The following ACSS3 variants were observed in gnomAD, a reference collection of about 807,000 sequenced individuals.
ACSS3 encodes acyl-CoA synthetase short chain family member 3.
A neutral mutation model predicts 84.2 loss-of-function variants in ACSS3; 64 were observed. That is an observed-to-expected ratio of 0.76 (90% confidence interval 0.62 to 0.94). ACSS3 has a LOEUF of 0.94. Ranked by LOEUF, ACSS3 falls within the 40% of genes least tolerant of loss-of-function variation. The probability of loss-of-function intolerance (pLI) is 0.00; values close to 1 mark genes in which losing one functional copy is unlikely to be tolerated. For missense variants in ACSS3, 815 were observed against 867.6 expected, an observed-to-expected ratio of 0.94 and a Z score of 0.76; for synonymous variants, 317 against 310.1, an observed-to-expected ratio of 1.02 and a Z score of -0.23.
intron 15 of ACSS3, among the ~76,000 whole-genome samples, chr12:81,254,174 A>C (rs1247959778): frequency 1.3e-5 from 2 of 151,978 alleles, no homozygotes; most frequent in Non-Finnish European, 2.9e-5. Context: ...AAGCGATTTG[A>C]TTGCCTCAAC....
At chr12:81,237,029 G>T (rs2033653015) in intron 13 of ACSS3, among the ~76,000 whole-genome samples, 2 of 151,346 alleles carry the variant, frequency 1.3e-5, no homozygotes, top group Non-Finnish European at 3.0e-5. Context: ...CCTTCCTGAA[G>T]GCTCTTCTTA....
Position 81,259,525 on chromosome 12 carries a change from CA to C in ACSS3, c.*4608del. ...ATCAAATGTAATATCTGACTCCCCC[CA>C]AAAATCACATTTTTCAGCTTTTAAT... is the stretch of plus-strand genomic sequence containing the variant. On this transcript the variant is annotated 3_prime_UTR_variant, in exon 16 of 16. Transcript: ENST00000548058. 2 of 1,097,188 alleles carry C rather than the reference CA, an allele frequency of 1.8e-6. No individual in the cohort carries two copies. The highest frequency in any genetic ancestry group is 2.6e-6 in the Non-Finnish European group (2 of 761,828). The allele number at this position is 1,097,188 out of a possible 1,614,324, so 68.0% of individuals were successfully genotyped here. A position where few individuals can be genotyped will look rare whatever the true frequency, so the allele number is the denominator to read the frequency against.
chr12:81,244,154 C>G (rs2033905917), intron 13 of ACSS3, among the ~76,000 whole-genome samples: 1 of 151,950 alleles, frequency 6.6e-6, no homozygotes. Flanking sequence ...GCTTTTTTCC[C>G]TCTTGACACT....
At chr12:81,103,795 T>C (rs1000295116) in intron 1 of ACSS3, among the ~76,000 whole-genome samples, 2 of 152,144 alleles carry the variant, frequency 1.3e-5, no homozygotes, top group African/African-American at 4.8e-5. Flanking sequence ...TGAAAAAAAA[T>C]TCCAAGTTCA....
intron 8 of ACSS3, among the ~76,000 whole-genome samples, chr12:81,176,314 C>T (rs1045754001): frequency 2.0e-5 from 3 of 152,162 alleles, no homozygotes; most frequent in Non-Finnish European, 4.4e-5. Flanking sequence ...TGCTGTGTCT[C>T]ATGCCTGTAA....
At chr12:81,146,025 A>G (rs1886323374) in intron 5 of ACSS3, among the ~76,000 whole-genome samples, 1 of 152,242 alleles carries the variant, frequency 6.6e-6, no homozygotes, top group South Asian at 2.1e-4. Flanking sequence ...ACAGACCTTC[A>G]TGGCACTTAT....
chr12:81,137,249 G>A (rs189896420), intron 3 of ACSS3, among the ~76,000 whole-genome samples: 187 of 150,872 alleles, frequency 1.2e-3, no homozygotes, highest in African/African-American at 2.6e-3. Context: ...ATAAGATATA[G>A]GGAAATTACA....
At chr12:81,151,389 T>G (rs1478036950) in intron 5 of ACSS3, among the ~76,000 whole-genome samples, 1 of 152,194 alleles carries the variant, frequency 6.6e-6, no homozygotes, top group Non-Finnish European at 1.5e-5. Flanking sequence ...AATATGACTT[T>G]GTTTCCTCCA....
intron 9 of ACSS3, among the ~76,000 whole-genome samples, chr12:81,208,675 C>G (rs1163313034): frequency 6.6e-6 from 1 of 151,952 alleles, no homozygotes; most frequent in Non-Finnish European, 1.5e-5. Flanking sequence ...TTTACAAAAC[C>G]CCCCATGTCT....
intron 9 of ACSS3, among the ~76,000 whole-genome samples, chr12:81,200,110 G>A (rs1017342546): frequency 1.3e-5 from 2 of 152,052 alleles, no homozygotes; most frequent in Non-Finnish European, 2.9e-5. Context: ...ATATTAAATG[G>A]ATCAACTATA....
At chr12:81,115,972 A>C (rs1884009765) in intron 2 of ACSS3, among the ~76,000 whole-genome samples, 1 of 152,144 alleles carries the variant, frequency 6.6e-6, no homozygotes, top group Admixed American at 6.6e-5. Context: ...GATCTATAGA[A>C]GATGATGCTG....
chr12:81,219,542 A>G (rs1450140361), intron 10 of ACSS3, among the ~76,000 whole-genome samples: 1 of 152,124 alleles, frequency 6.6e-6, no homozygotes, highest in Non-Finnish European at 1.5e-5. Context: ...ATTTGGGAAG[A>G]TTAAATTGAC....
intron 2 of ACSS3, among the ~76,000 whole-genome samples, chr12:81,115,395 A>AT (rs888567226): frequency 5.3e-5 from 8 of 151,306 alleles, no homozygotes; most frequent in Admixed American, 4.0e-4. Context: ...TTGTGATTTA[A>AT]TTTTTTTTTC....
chr12:81,165,786 T>A (rs1887374645), intron 7 of ACSS3, among the ~76,000 whole-genome samples: 1 of 152,206 alleles, frequency 6.6e-6, no homozygotes. Context: ...ATACTCTACA[T>A]TTAACTCTTG....
intron 1 of ACSS3, among the ~76,000 whole-genome samples, chr12:81,097,264 C>A (rs1170493751): frequency 6.6e-6 from 1 of 152,114 alleles, no homozygotes. Flanking sequence ...GCTTTGCAGG[C>A]CAGACCAGTT....
intron 1 of ACSS3, among the ~76,000 whole-genome samples, 181 bp downstream of exon 1, chr12:81,078,612 C>G (rs1880773211): frequency 1.3e-5 from 2 of 152,150 alleles, no homozygotes; most frequent in African/African-American, 4.8e-5. Context: ...GCCTTCTGCT[C>G]TTGAGAGACC....
At chr12:81,180,591 T>C (rs1290280149) in intron 8 of ACSS3, among the ~76,000 whole-genome samples, 1 of 152,034 alleles carries the variant, frequency 6.6e-6, no homozygotes, top group East Asian at 1.9e-4. Context: ...TCTTGGCTCA[T>C]TGCAACATTT....
chr12:81,213,909 C>CTTCT (rs2032767055), intron 9 of ACSS3, among the ~76,000 whole-genome samples: 2 of 75,640 alleles, frequency 2.6e-5, no homozygotes, highest in South Asian at 5.3e-4. Flanking sequence ...TTTGTCCTTC[C>CTTCT]TTCCTTCCTT....
chr12:81,241,109 G>A (rs2033787453), intron 13 of ACSS3, among the ~76,000 whole-genome samples: 1 of 151,102 alleles, frequency 6.6e-6, no homozygotes, highest in Non-Finnish European at 1.5e-5. Flanking sequence ...TCTTGCGATA[G>A]TTTACTGAGA....
Sources: allele counts gnomAD v4.1 joint callset (sites outside exome capture counted in the v4.1 genomes callset), GRCh38; gene constraint gnomAD v4.1.1; transcripts MANE v1.5; gene names NCBI Gene and HGNC (gene_info 2026-07-23, HGNC 2026-07-21).